Variants in RPS6KA2 observed in about 807,000 individuals in gnomAD.
RPS6KA2 encodes the protein ribosomal protein S6 kinase A2.
RPS6KA2 carries 42 observed loss-of-function variants against 91.8 expected under a neutral mutation model. The ratio of observed to expected loss-of-function variants is 0.46; its 90% CI spans 0.36 to 0.59. RPS6KA2 has a LOEUF of 0.59. RPS6KA2 is among the 20% of genes least tolerant of loss of function. RPS6KA2 has a pLI of 0.00. For missense variants in RPS6KA2, 798 were observed against 978.5 expected (o/e 0.82, Z 2.46); for synonymous variants, 414 against 393.6 (o/e 1.05, Z -0.61).
Position 166,821,798 on chromosome 6 carries a change from C to T in RPS6KA2, c.123+36402G>A, listed in dbSNP as rs2242574. On this transcript the variant is annotated intron_variant, in intron 2 of 21. Coordinates refer to the RPS6KA2 transcript ENST00000503859. The surrounding 1 kb of genome is among the most constrained non-coding windows in gnomAD (Gnocchi z 4.1). ...CCTCCCTCCTAAGGCCGCCTACTTG[C>T]CCTCTCCACCTGTCTATTCACAGGC... Among the ~76,000 whole-genome samples the T allele has an allele frequency of 6.6e-6, 1 of 152,110 alleles. No individual in the cohort carries two copies. Among genetic ancestry groups the T allele is most frequent in the African/African-American group, 2.4e-5 (1 of 41,440 alleles).
intron 1 of RPS6KA2, among the ~76,000 whole-genome samples, chr6:166,573,845 T>C (rs1179296719): frequency 1.3e-5 from 2 of 152,198 alleles, no homozygotes; most frequent in Non-Finnish European, 2.9e-5. Flanking sequence ...AGAGAACTTT[T>C]AAATAGTTAA....
Position 166,604,532 on chromosome 6 carries a change from G to A in RPS6KA2, c.99+22389C>T, listed in dbSNP as rs561792358. ...GGATCGTAAGGGAGCTTCCCGGGCG[G>A]GGCCATCCCCAGCTGGGGGAGGTGG... On this transcript the variant is annotated intron_variant, in intron 1 of 20. Transcript: ENST00000265678. 3.0e-4 allele frequency among the ~76,000 whole-genome samples: 46 copies of A among 152,330 alleles called. No individual in the cohort carries two copies. In the East Asian group the frequency reaches 4.1e-3, roughly 13 times the overall value.
intron 3 of RPS6KA2, among the ~76,000 whole-genome samples, chr6:166,521,105 G>A (rs1782839477): frequency 1.3e-5 from 2 of 152,256 alleles, no homozygotes; most frequent in African/African-American, 4.8e-5. Flanking sequence ...TTGCCTTCTG[G>A]AGGGAGCAGG....
intron 2 of RPS6KA2, among the ~76,000 whole-genome samples, chr6:166,755,432 G>A (rs953213349): frequency 2.0e-5 from 3 of 152,036 alleles, no homozygotes; most frequent in South Asian, 2.1e-4. Context: ...TACAGGGCTC[G>A]GAACAGAAAG....
At chr6:166,449,815 GGAACCACCACA>G in intron 13 of RPS6KA2, among the ~76,000 whole-genome samples, 1 of 148,354 alleles carries the variant, frequency 6.7e-6, no homozygotes, top group Non-Finnish European at 1.5e-5. Flanking sequence ...GACCACCATG[GGAACCACCACA>G]GGGACCACCA....
chr6:166,573,744 G>A (rs1784757669), intron 1 of RPS6KA2, among the ~76,000 whole-genome samples: 1 of 152,228 alleles, frequency 6.6e-6, no homozygotes, highest in South Asian at 2.1e-4. Context: ...TTGCAGCCTC[G>A]AGTCCATTGG....
chr6:166,670,269 G>A (rs1194245118), intron 2 of RPS6KA2, among the ~76,000 whole-genome samples: 1 of 152,256 alleles, frequency 6.6e-6, no homozygotes, highest in East Asian at 1.9e-4. Context: ...TCCATGTGGT[G>A]AGGCTGTAAG....
Position 166,412,612 on chromosome 6 carries a change from G to A in RPS6KA2, c.*150C>T, listed in dbSNP as rs561342862. On this transcript the variant is annotated 3_prime_UTR_variant, in exon 21 of 21. Transcript: ENST00000265678. This position sits in a 1 kb window ranked among gnomAD's most constrained non-coding sequence, Gnocchi z 4.3. ...GCCCCCAGGTCAGGACCCTCTCCGGGGCTGAAAAAGAAAACACGGACACGG... is the reference window on the plus strand; with the variant it reads ...GCCCCCAGGTCAGGACCCTCTCCGGAGCTGAAAAAGAAAACACGGACACGG... The A allele has an allele frequency of 1.7e-5, 13 of 754,640 alleles. No homozygotes were observed. Among genetic ancestry groups the A allele is most frequent in the East Asian group, 1.2e-4 (4 of 34,174 alleles). 46.7% of individuals were successfully genotyped at this position (754,640 alleles called of 1,614,324 possible).
At chr6:166,694,427 T>C (rs1231749894) in intron 2 of RPS6KA2, among the ~76,000 whole-genome samples, 3 of 152,256 alleles carry the variant, frequency 2.0e-5, no homozygotes, top group African/African-American at 4.8e-5. Flanking sequence ...ATAAAGTCAC[T>C]ACTCCAGTGA....
In RPS6KA2 at chr6:166,701,350, C is replaced by G. The variant is rs535250615; in HGVS notation, c.123+156850G>C. Reference sequence around the variant, plus strand: ...AGTAACTGCCAGCAGCAAAGGATGGCACTCTGATATGAGCTTCAAGTTTCA... The same window carrying G: ...AGTAACTGCCAGCAGCAAAGGATGGGACTCTGATATGAGCTTCAAGTTTCA... On this transcript the variant is annotated intron_variant, in intron 2 of 21. Transcript: ENST00000503859. 3.9e-5 allele frequency: 59 copies of G among 1,512,360 alleles called. No homozygotes were observed. The South Asian group carries it at 6.3e-4, about 16-fold the overall frequency. The allele number at this position is 1,512,360 out of a possible 1,614,324, so 93.7% of individuals were successfully genotyped here. A position where few individuals can be genotyped will look rare whatever the true frequency, so the allele number is the denominator to read the frequency against.
chr6:166,801,093 G>T (rs1217003792), intron 2 of RPS6KA2, among the ~76,000 whole-genome samples: 4 of 152,230 alleles, frequency 2.6e-5, no homozygotes, highest in Non-Finnish European at 5.9e-5. Flanking sequence ...GTGCACTTTT[G>T]TAAATGGTTT....
intron 2 of RPS6KA2, among the ~76,000 whole-genome samples, chr6:166,789,721 G>A (rs1485246065): frequency 6.6e-6 from 1 of 152,208 alleles, no homozygotes; most frequent in Non-Finnish European, 1.5e-5. Flanking sequence ...CCGCTGTTCT[G>A]CAGCCACCAC....
chr6:166,837,926 C>T (rs1250929069), intron 2 of RPS6KA2, among the ~76,000 whole-genome samples: 1 of 152,240 alleles, frequency 6.6e-6, no homozygotes, highest in Admixed American at 6.5e-5. Flanking sequence ...AAAGCTTGCA[C>T]ATGGAAATGG....
intron 2 of RPS6KA2, among the ~76,000 whole-genome samples, chr6:166,851,629 G>GCCTCTGTGCCGT (rs1358810156): frequency 5.9e-5 from 9 of 152,286 alleles, no homozygotes; most frequent in African/African-American, 1.7e-4. Flanking sequence ...CTCAGACCAC[G>GCCTCTGTGCCGT]GGACACAGTC....
At chr6:166,749,774 T>TC (rs1791218059) in intron 2 of RPS6KA2, among the ~76,000 whole-genome samples, 3 of 92,506 alleles carry the variant, frequency 3.2e-5, no homozygotes, top group Non-Finnish European at 4.9e-5. Context: ...CAGGCCCCCA[T>TC]TTCCTCAGGT....
chr6:166,587,047 T>C (rs1269953218), intron 1 of RPS6KA2, among the ~76,000 whole-genome samples: 1 of 152,210 alleles, frequency 6.6e-6, no homozygotes, highest in Non-Finnish European at 1.5e-5. Context: ...TGCAGGCCCT[T>C]AGGGCTGGTG....
intron 2 of RPS6KA2, among the ~76,000 whole-genome samples, chr6:166,810,576 A>T (rs1455086794): frequency 6.6e-6 from 1 of 152,216 alleles, no homozygotes; most frequent in Non-Finnish European, 1.5e-5. Context: ...AATCAATGGC[A>T]TCACCTCCTA....
intron 2 of RPS6KA2, among the ~76,000 whole-genome samples, chr6:166,760,017 T>C (rs190444572): frequency 2.6e-4 from 39 of 152,364 alleles, no homozygotes; most frequent in Admixed American, 2.2e-3. Flanking sequence ...TATTCAGGCT[T>C]GATTGAGATT....
intron 2 of RPS6KA2, among the ~76,000 whole-genome samples, chr6:166,693,956 T>C (rs6456102): frequency 0.52 from 79,216 of 152,102 alleles, 21,635 homozygotes; most frequent in African/African-American, 0.69. Flanking sequence ...AGAAATTCCT[T>C]TCTCCCTTAA....
Sources: allele counts gnomAD v4.1 joint callset (sites outside exome capture counted in the v4.1 genomes callset), GRCh38; gene constraint gnomAD v4.1.1; non-coding constraint Gnocchi (gnomAD v3.1); transcripts MANE v1.5; gene names NCBI Gene and HGNC (gene_info 2026-07-23, HGNC 2026-07-21).